BCKDHB: variants seen among roughly 807,000 people sequenced by gnomAD.
BCKDHB encodes the protein 2-oxoisovalerate dehydrogenase subunit beta, mitochondrial.
Under a neutral mutation model 48.5 loss-of-function variants are expected in BCKDHB, and 41 were observed. The observed-to-expected ratio is 0.85, with a 90% confidence interval of 0.66 to 1.10. The LOEUF (loss-of-function observed/expected upper bound fraction) is 1.10. Among genes scored for constraint, BCKDHB ranks in the 50% least tolerant of loss-of-function variants. The pLI, the probability that BCKDHB is intolerant of heterozygous loss-of-function variation, is 0.00. For missense variants in BCKDHB, 496 were observed against 494.2 expected (o/e 1.00, Z -0.03); for synonymous variants, 201 against 174.8 (o/e 1.15, Z -1.18).
chr6:80,115,632 C>CT (rs1476645616), intron 1 of BCKDHB, among the ~76,000 whole-genome samples: 3 of 150,760 alleles, frequency 2.0e-5, no homozygotes, highest in African/African-American at 7.4e-5. Context: ...GCGATAAATG[C>CT]TGGGGTTTCT....
chr6:80,443,807 T>C, the BCKDHB span, among the ~76,000 whole-genome samples: 2 of 152,040 alleles, frequency 1.3e-5, no homozygotes, highest in East Asian at 1.9e-4. Flanking sequence ...ACAAATTGCA[T>C]TGAGTGTCCA....
At chr6:80,393,666 C>CT in the BCKDHB span, among the ~76,000 whole-genome samples, 1 of 152,192 alleles carries the variant, frequency 6.6e-6, no homozygotes, top group African/African-American at 2.4e-5. Flanking sequence ...ATCAGCAAGC[C>CT]TTCAACCACA....
At chr6:80,293,032 C>T (rs1767015359) in intron 9 of BCKDHB, among the ~76,000 whole-genome samples, 2 of 152,200 alleles carry the variant, frequency 1.3e-5, no homozygotes, top group Non-Finnish European at 1.5e-5. Context: ...CTCTCCTGGC[C>T]ACTTTCTCAG....
At chr6:80,147,089 A>G (rs1437928358) in intron 3 of BCKDHB, among the ~76,000 whole-genome samples, 2 of 152,134 alleles carry the variant, frequency 1.3e-5, no homozygotes, top group Non-Finnish European at 2.9e-5. Context: ...TGCTTTTTAC[A>G]TGCCCAGCAC....
At chr6:80,366,202 A>T in the BCKDHB span, among the ~76,000 whole-genome samples, 2 of 152,200 alleles carry the variant, frequency 1.3e-5, no homozygotes, top group Non-Finnish European at 2.9e-5. Context: ...GTCGAGTTCC[A>T]TGTGGGCCAG....
chr6:80,161,581 T>G (rs527342597), intron 3 of BCKDHB, among the ~76,000 whole-genome samples: 1 of 152,352 alleles, frequency 6.6e-6, no homozygotes, highest in East Asian at 1.9e-4. Flanking sequence ...CTTGTCCTTA[T>G]GGACCTCAGG....
At chr6:80,434,392 C>G in the BCKDHB span, among the ~76,000 whole-genome samples, 1 of 151,372 alleles carries the variant, frequency 6.6e-6, no homozygotes, top group African/African-American at 2.4e-5. Flanking sequence ...TTTAATAATA[C>G]TCATAATACT....
chr6:80,200,362 A>T (rs956163708), intron 6 of BCKDHB, among the ~76,000 whole-genome samples: 3 of 152,128 alleles, frequency 2.0e-5, no homozygotes, highest in African/African-American at 4.8e-5. Context: ...GTGTTCATAG[A>T]TCTAAGGTGA....
chr6:80,243,343 G>A (rs1463250033), intron 8 of BCKDHB, among the ~76,000 whole-genome samples: 2 of 152,236 alleles, frequency 1.3e-5, no homozygotes, highest in Admixed American at 6.5e-5. Flanking sequence ...GAAGGAGTGG[G>A]GAGCCCTATG....
the BCKDHB span, among the ~76,000 whole-genome samples, chr6:80,388,026 G>A: frequency 2.0e-5 from 3 of 152,342 alleles, no homozygotes; most frequent in Middle Eastern, 3.4e-3. Flanking sequence ...TCCTTCTAAG[G>A]TGAAGCATAA....
chr6:80,240,502 T>C (rs1017835316), intron 8 of BCKDHB, among the ~76,000 whole-genome samples: 9 of 152,330 alleles, frequency 5.9e-5, no homozygotes, highest in East Asian at 1.9e-4. Context: ...GCTTGTGATT[T>C]TTGCACATTG....
intron 8 of BCKDHB, among the ~76,000 whole-genome samples, chr6:80,249,209 G>A (rs937641621): frequency 9.2e-5 from 14 of 151,588 alleles, no homozygotes; most frequent in Non-Finnish European, 2.1e-4. Context: ...GACCAAAAAT[G>A]TCTTTAAGCA....
At chr6:80,253,514 GTACTCT>G (rs1200787226) in intron 8 of BCKDHB, among the ~76,000 whole-genome samples, 3 of 152,044 alleles carry the variant, frequency 2.0e-5, no homozygotes, top group Admixed American at 2.0e-4. Flanking sequence ...AGGGAATGTG[GTACTCT>G]TTGATTGACT....
the BCKDHB span, chr6:80,356,519 A>T: frequency 6.6e-6 from 1 of 152,212 alleles, no homozygotes; most frequent in Non-Finnish European, 1.5e-5. Context: ...ATCAGGATTC[A>T]AAATTATGTG....
At chr6:80,318,438 G>A (rs1299973248) in intron 9 of BCKDHB, among the ~76,000 whole-genome samples, 1 of 152,120 alleles carries the variant, frequency 6.6e-6, no homozygotes, top group Non-Finnish European at 1.5e-5. Context: ...TGTAATCCTA[G>A]CACTTTGGGA....
intron 9 of BCKDHB, among the ~76,000 whole-genome samples, chr6:80,280,091 G>A (rs1283284465): frequency 1.3e-5 from 2 of 152,180 alleles, no homozygotes; most frequent in African/African-American, 2.4e-5. Flanking sequence ...TGTAGCGTAA[G>A]GTAAGCGTTG....
intron 9 of BCKDHB, among the ~76,000 whole-genome samples, chr6:80,273,756 G>C (rs147606845): frequency 7.2e-4 from 109 of 151,866 alleles, no homozygotes; most frequent in African/African-American, 2.6e-3. Flanking sequence ...CTTTAGAATT[G>C]TTTAAAAACC....
chr6:80,408,868 C>G, the BCKDHB span, among the ~76,000 whole-genome samples: 1 of 147,786 alleles, frequency 6.8e-6, no homozygotes, highest in East Asian at 2.0e-4. Context: ...GTGTCTCTAT[C>G]TCCTTCAGTG....
chr6:80,141,315 A>G (rs905101474), intron 3 of BCKDHB, among the ~76,000 whole-genome samples: 3 of 152,136 alleles, frequency 2.0e-5, no homozygotes, highest in Non-Finnish European at 4.4e-5. Context: ...AACAAAGGTC[A>G]TGGGTTTTGA....
Sources: allele counts gnomAD v4.1 joint callset (sites outside exome capture counted in the v4.1 genomes callset), GRCh38; gene constraint gnomAD v4.1.1; transcripts MANE v1.5; gene names NCBI Gene and HGNC (gene_info 2026-07-23, HGNC 2026-07-21).